Variants in SUPT3H observed in about 807,000 individuals in gnomAD.
The protein encoded by SUPT3H is SPT3 homolog, SAGA and STAGA complex component, also known as transcription initiation protein SPT3 homolog.
Under a neutral mutation model 44.3 loss-of-function variants are expected in SUPT3H, and 44 were observed. The observed-to-expected ratio is 0.99, with a 90% CI of 0.78 to 1.28. SUPT3H has a LOEUF of 1.28. SUPT3H is among the 50% of genes most tolerant of loss of function. The pLI is 0.00. For synonymous variants in SUPT3H, 124 were observed against 125.6 expected (o/e 0.99, Z 0.09); for missense variants, 380 against 387.1 (o/e 0.98, Z 0.15).
At chr6:45,279,963 T>C (rs570812595) in intron 2 of SUPT3H, among the ~76,000 whole-genome samples, 10 of 152,296 alleles carry the variant, frequency 6.6e-5, no homozygotes, top group African/African-American at 2.2e-4. Flanking sequence ...TGACCATTCC[T>C]ATCTATTTAG....
chr6:45,019,315 T>C (rs111314462), intron 4 of SUPT3H, among the ~76,000 whole-genome samples: 6 of 152,212 alleles, frequency 3.9e-5, no homozygotes, highest in African/African-American at 1.4e-4. Flanking sequence ...GATTCATTAA[T>C]TTTTTGAAGG....
intron 2 of SUPT3H, among the ~76,000 whole-genome samples, chr6:45,255,145 C>A (rs1459844980): frequency 6.6e-6 from 1 of 151,948 alleles, no homozygotes; most frequent in Non-Finnish European, 1.5e-5. Flanking sequence ...TAAACTTTAT[C>A]AAAGGTATAT....
At chr6:45,057,672 G>A (rs1441050441) in intron 3 of SUPT3H, among the ~76,000 whole-genome samples, 2 of 152,088 alleles carry the variant, frequency 1.3e-5, no homozygotes, top group Non-Finnish European at 2.9e-5. Flanking sequence ...ACAAAACAAA[G>A]AATGCTTGGA....
chr6:45,019,631 T>G (rs1784823919), intron 4 of SUPT3H, among the ~76,000 whole-genome samples: 1 of 152,006 alleles, frequency 6.6e-6, no homozygotes. Flanking sequence ...ACATACTGCA[T>G]TTTACACAGT....
At chr6:44,949,729 C>T (rs1773980310) in intron 9 of SUPT3H, among the ~76,000 whole-genome samples, 1 of 152,076 alleles carries the variant, frequency 6.6e-6, no homozygotes, top group South Asian at 2.1e-4. Flanking sequence ...GAAATACACA[C>T]TTAAACTGTT....
chr6:45,373,061 C>G (rs1017914073), intron 1 of SUPT3H, among the ~76,000 whole-genome samples: 20 of 152,120 alleles, frequency 1.3e-4, no homozygotes, highest in Non-Finnish European at 2.4e-4. Flanking sequence ...CCTGCCTCGG[C>G]CTCCCAAAGT....
At position 44,953,423 on chromosome 6, in the gene SUPT3H, A is replaced by C. The variant is rs999743204; in HGVS notation, c.694-6T>G. 1.9e-6 allele frequency: 3 copies of C among 1,611,116 alleles called. No individual in the cohort carries two copies. Among genetic ancestry groups the C allele is most frequent in the Non-Finnish European group, 2.5e-6 (3 of 1,177,500 alleles). On this transcript the variant is annotated splice_region_variant and splice_polypyrimidine_tract_variant and intron_variant, in intron 8 of 10. Coordinates refer to ENST00000371459, the MANE Select transcript of SUPT3H (RefSeq NM_003599.4). ...AGAAGAGCCAGATCCACTAACTAGA[A>C]GACCAGAAGAATGAAAGTCACATAG...
intron 2 of SUPT3H, among the ~76,000 whole-genome samples, chr6:45,351,624 T>A (rs932045886): frequency 6.6e-6 from 1 of 152,144 alleles, no homozygotes; most frequent in Non-Finnish European, 1.5e-5. Context: ...ACTTCTACTC[T>A]ACCTAGTTTT....
At chr6:44,924,862 T>C (rs914384308) in intron 10 of SUPT3H, among the ~76,000 whole-genome samples, 1 of 152,132 alleles carries the variant, frequency 6.6e-6, no homozygotes, top group Non-Finnish European at 1.5e-5. Context: ...TAAAAACACA[T>C]ATAATTTATT....
At chr6:45,006,274 C>T (rs368210341) in intron 5 of SUPT3H, among the ~76,000 whole-genome samples, 3 of 151,988 alleles carry the variant, frequency 2.0e-5, no homozygotes, top group Non-Finnish European at 4.4e-5. Context: ...AGAATTTAAT[C>T]CATTTCATAA....
chr6:44,967,456 T>C (rs1386628093), intron 6 of SUPT3H, among the ~76,000 whole-genome samples: 2 of 152,226 alleles, frequency 1.3e-5, no homozygotes, highest in African/African-American at 4.8e-5. Context: ...CGGTACATAT[T>C]TGTTAATCTG....
At chr6:45,175,012 TAAAAAAAAAAA>T (rs57838175) in intron 2 of SUPT3H, among the ~76,000 whole-genome samples, 2 of 62,540 alleles carry the variant, frequency 3.2e-5, no homozygotes, top group Non-Finnish European at 5.7e-5. Context: ...CCCTCGTCAC[TAAAAAAAAAAA>T]AAAAAAAAAA....
At chr6:44,985,222 A>AAAT (rs1779633498) in intron 6 of SUPT3H, among the ~76,000 whole-genome samples, 1 of 145,140 alleles carries the variant, frequency 6.9e-6, no homozygotes, top group African/African-American at 2.5e-5. Flanking sequence ...TAAATAAAAT[A>AAAT]AAATAAAATA....
At chr6:45,121,667 G>T (rs768791901) in intron 2 of SUPT3H, among the ~76,000 whole-genome samples, 5 of 151,648 alleles carry the variant, frequency 3.3e-5, no homozygotes, top group Non-Finnish European at 2.9e-5. Flanking sequence ...TTTTTTTTGG[G>T]TTTTTTTGTT....
intron 3 of SUPT3H, among the ~76,000 whole-genome samples, chr6:45,047,964 C>T (rs1789669893): frequency 6.6e-6 from 1 of 151,584 alleles, no homozygotes; most frequent in African/African-American, 2.4e-5. Context: ...AATCTTTATT[C>T]CATTAACAAT....
intron 5 of SUPT3H, among the ~76,000 whole-genome samples, chr6:45,008,505 C>A (rs1223607172): frequency 1.3e-5 from 2 of 152,082 alleles, no homozygotes; most frequent in Non-Finnish European, 2.9e-5. Flanking sequence ...CAGGCACATG[C>A]CACTGAGACT....
At chr6:45,158,275 C>CATATATAT (rs70996305) in intron 2 of SUPT3H, among the ~76,000 whole-genome samples, 2 of 62,178 alleles carry the variant, frequency 3.2e-5, no homozygotes, top group African/African-American at 2.5e-4. Flanking sequence ...TATAAATATA[C>CATATATAT]ATATATATAT....
chr6:45,057,502 A>T (rs1029262636), intron 3 of SUPT3H, among the ~76,000 whole-genome samples: 1 of 152,140 alleles, frequency 6.6e-6, no homozygotes, highest in African/African-American at 2.4e-5. Context: ...AAAAACAAAA[A>T]AACAAAACAA....
chr6:44,811,228 T>C lies in SUPT3H; in HGVS notation c.*53-1727A>G, dbSNP rs368080164. Among the ~76,000 whole-genome samples the C allele has an allele frequency of 2.8e-4, 43 of 152,216 alleles. 1 individual carries two copies. Among genetic ancestry groups the C allele is most frequent in the East Asian group, 1.2e-3 (6 of 5,158 alleles). ...GGCTTTCCTTGACAGTTTTGAGGAG[T>C]GTGGTCAGGTATTCTGTAATGCCTC... On this transcript the variant is annotated intron_variant and NMD_transcript_variant, in intron 11 of 11. Coordinates refer to the SUPT3H transcript ENST00000475057.
Sources: allele counts gnomAD v4.1 joint callset (sites outside exome capture counted in the v4.1 genomes callset), GRCh38; gene constraint gnomAD v4.1.1; transcripts MANE v1.5; gene names NCBI Gene and HGNC (gene_info 2026-07-23, HGNC 2026-07-21).